Variants in F11 observed in about 807,000 individuals in gnomAD.
F11 encodes coagulation factor XI, also known as coagualtion factor XI.
A neutral mutation model predicts 76.5 loss-of-function variants in F11; 78 were observed. The ratio of observed to expected loss-of-function variants is 1.02; its 90% confidence interval spans 0.85 to 1.23. The LOEUF (loss-of-function observed/expected upper bound fraction) is 1.23, where lower values mean the gene tolerates loss of function less well. Among genes scored for constraint, F11 ranks in the 50% most tolerant of loss-of-function variants. The pLI is 0.00. For missense variants in F11, 742 were observed against 771.4 expected (o/e 0.96, Z 0.45); for synonymous variants, 278 against 276.3 (o/e 1.01, Z -0.06).
intron 12 of F11, 75 bp downstream of exon 12, chr4:186,285,888 G>A: frequency 6.8e-7 from 1 of 1,467,326 alleles, no homozygotes. Flanking sequence ...TAGACTTACG[G>A]CCTGACCCTG....
chr4:186,286,621 C>T (rs2126783529), intron 13 of F11, 111 bp downstream of exon 13: 1 of 1,554,968 alleles, frequency 6.4e-7, no homozygotes, highest in South Asian at 1.1e-5. Flanking sequence ...TACTCAGTTG[C>T]AGGAAGCGGA....
Position 186,285,764 on chromosome 4 carries a change from C to A in F11, c.1431C>A (p.Ser477Arg). The A allele has an allele frequency of 6.2e-7, 1 of 1,614,070 alleles. No homozygotes were observed. Among genetic ancestry groups the A allele is most frequent in the Non-Finnish European group, 8.5e-7 (1 of 1,179,984 alleles). The change falls in exon 12 of 15, where the codon AGC (serine) becomes AGA (arginine). Residue 477 changes from serine to arginine, a missense_variant. Transcript: ENST00000403665. ...ATGATCAGTATAAAATGGCAGAAAG[C>A]GGGTATGATATTGCCTTGTTGAAAC... is the stretch of plus-strand genomic sequence containing the variant. ...IIHDQYKMAE[S>R]GYDIALLKLE...
At chr4:186,272,088 T>G (rs1740017219) in intron 3 of F11, among the ~76,000 whole-genome samples, 1 of 152,104 alleles carries the variant, frequency 6.6e-6, no homozygotes, top group African/African-American at 2.4e-5. Flanking sequence ...ATTTTTGTCG[T>G]GCTTCTCAAC....
At chr4:186,267,252 A>C in intron 2 of F11, 61 bp downstream of exon 2, 1 of 1,004,142 alleles carries the variant, frequency 1.0e-6, no homozygotes. Context: ...CAATCTCCAC[A>C]CATGTGGGAG....
chr4:186,282,694 C>G, intron 10 of F11: 1 of 985,384 alleles, frequency 1.0e-6, no homozygotes, highest in South Asian at 4.7e-5. Flanking sequence ...ACGCTTCCCA[C>G]CTTGCAGAAA....
At chr4:186,281,264 G>C (rs1326651592) in intron 10 of F11, among the ~76,000 whole-genome samples, 1 of 152,120 alleles carries the variant, frequency 6.6e-6, no homozygotes, top group African/African-American at 2.4e-5. Flanking sequence ...CAGCACTTTG[G>C]TTAGTCAAAT....
At position 186,276,496 on chromosome 4, in the gene F11, A is replaced by G. The variant is rs1258266942; in HGVS notation, c.755+106A>G. On this transcript the variant is annotated intron_variant, in intron 7 of 14. Transcript: ENST00000403665. ...CTAAAAATTTACTCTAAATGTCAGT[A>G]TAGGATAAAAGTTGCAAAGAATTTC... 6 of 1,332,754 alleles carry G rather than the reference A, an allele frequency of 4.5e-6. 1 individual carries two copies. The highest frequency in any genetic ancestry group is 2.4e-5 in the East Asian group (1 of 41,246). 82.6% of individuals were successfully genotyped at this position (1,332,754 alleles called of 1,614,324 possible).
intron 2 of F11, among the ~76,000 whole-genome samples, chr4:186,268,581 G>T (rs1739679213): frequency 6.6e-6 from 1 of 152,132 alleles, no homozygotes; most frequent in South Asian, 2.1e-4. Context: ...TTGAAAATCT[G>T]CAAACGTTTG....
At chr4:186,290,441 C>G (rs1025213297), downstream of F11, among the ~76,000 whole-genome samples, 1 of 152,192 alleles carries the variant, frequency 6.6e-6, no homozygotes, top group African/African-American at 2.4e-5. Context: ...TCAAACAATA[C>G]TATCTTGTTA....
At chr4:186,272,217 T>C (rs1257720973) in intron 3 of F11, among the ~76,000 whole-genome samples, 1 of 152,206 alleles carries the variant, frequency 6.6e-6, no homozygotes, top group Non-Finnish European at 1.5e-5. Context: ...ATGTTTGCTA[T>C]ATTTGTACAG....
intron 7 of F11, among the ~76,000 whole-genome samples, chr4:186,276,643 G>A (rs1420429605): frequency 1.4e-5 from 2 of 144,464 alleles, no homozygotes; most frequent in Non-Finnish European, 3.0e-5. Context: ...CTGGAGTGCG[G>A]TGGCATGATT....
rs896571623 is a variant in F11, at chr4:186,271,770, T to C, written c.217T>C (p.Trp73Arg). The change falls in exon 3 of 15, where the codon TGG becomes CGG. Residue 73 changes from tryptophan (W) to arginine (R), a missense_variant and splice_region_variant. Physicochemically the swap from Trp to Arg is moderately radical, Grantham distance 101 (BLOSUM62 -3). Coordinates refer to ENST00000403665, the MANE Select transcript of F11 (RefSeq NM_000128.4). ...ATCACCATCTGAGGATCCCACCCGA[T>C]GGTAAATGCTTATGTTTCTACATCG... ...AESPSEDPTR[W>R]FTCVLKDSVT... The C allele has an allele frequency of 3.1e-6, 5 of 1,614,074 alleles. No individual in the cohort carries two copies. Among genetic ancestry groups the C allele is most frequent in the African/African-American group, 2.7e-5 (2 of 74,932 alleles).
chr4:186,284,610 T>A (rs1741051950), intron 11 of F11, among the ~76,000 whole-genome samples: 1 of 151,534 alleles, frequency 6.6e-6, no homozygotes, highest in South Asian at 2.1e-4. Context: ...ATTGTCTGAA[T>A]CAAATTTCTA....
Position 186,282,550 on chromosome 4 carries a change from A to G in F11, c.1136-1542A>G, listed in dbSNP as rs546910590. The G allele has an allele frequency of 2.1e-5, 21 of 985,436 alleles. No homozygotes were observed. In the East Asian group the frequency reaches 5.7e-4, roughly 27 times the overall value. The allele number at this position is 985,436 out of a possible 1,614,324, so 61.0% of individuals were successfully genotyped here. ...TACCACAAAATATGATTCTAAACACATATTTTCAGCATTTCGTTTAAACTG... is the reference window on the plus strand; with the variant it reads ...TACCACAAAATATGATTCTAAACACGTATTTTCAGCATTTCGTTTAAACTG... On this transcript the variant is annotated intron_variant, in intron 10 of 14. Coordinates refer to ENST00000403665, the MANE Select transcript of F11 (RefSeq NM_000128.4).
Position 186,280,753 on chromosome 4 carries a change from G to A in F11, c.1135+173G>A, listed in dbSNP as rs533053525. Among the ~76,000 whole-genome samples the A allele has an allele frequency of 6.6e-5, 10 of 152,022 alleles. No individual in the cohort carries two copies. In the East Asian group the frequency reaches 9.7e-4, roughly 15 times the overall value. The stretch of plus-strand genomic sequence containing the variant: ...CACTCAAGCTGACCATGTTTTAAAG[G>A]TAAATATTGAGGCTTGACTAAACTG... On this transcript the variant is annotated intron_variant, in intron 10 of 14. Transcript: ENST00000403665.
chr4:186,270,769 C>A (rs1421362778), intron 2 of F11, among the ~76,000 whole-genome samples: 1 of 152,022 alleles, frequency 6.6e-6, no homozygotes, highest in African/African-American at 2.4e-5. Context: ...TCACAGCTCA[C>A]TGCAGCCTCA....
chr4:186,276,409 A>G lies in F11; in HGVS notation c.755+19A>G. 6.2e-7 allele frequency: 1 copy of G among 1,613,434 alleles called. No individual in the cohort carries two copies. The highest frequency in any genetic ancestry group is 8.5e-7 in the Non-Finnish European group (1 of 1,179,550). ...CTCAAAGGTAAGGAGTTAACAAGTA[A>G]GGATAATTTGTTATCTTCTAAAAAT... On this transcript the variant is annotated intron_variant, in intron 7 of 14. Transcript: ENST00000403665.
intron 2 of F11, among the ~76,000 whole-genome samples, chr4:186,271,230 G>A (rs1739931110): frequency 6.6e-6 from 1 of 152,126 alleles, no homozygotes; most frequent in African/African-American, 2.4e-5. Flanking sequence ...TAAGCACAGG[G>A]TTTGGATAAA....
At chr4:186,273,520 A>G (rs1178485726) in intron 4 of F11, among the ~76,000 whole-genome samples, 1 of 151,568 alleles carries the variant, frequency 6.6e-6, no homozygotes, top group Non-Finnish European at 1.5e-5. Flanking sequence ...TGGTGCAATC[A>G]CAGCTCACTC....
Sources: allele counts gnomAD v4.1 joint callset (sites outside exome capture counted in the v4.1 genomes callset), GRCh38; gene constraint gnomAD v4.1.1; transcripts MANE v1.5; gene names NCBI Gene and HGNC (gene_info 2026-07-23, HGNC 2026-07-21).